The following POLR3A variants were observed in gnomAD, a reference collection of about 807,000 sequenced individuals.
The protein encoded by POLR3A is DNA-directed RNA polymerase III subunit RPC1.
In POLR3A, 112 loss-of-function variants were observed where a neutral mutation model predicts 152.8. The observed-to-expected ratio is 0.73, with a 90% CI of 0.63 to 0.86. The LOEUF is 0.86. Among genes scored for constraint, POLR3A ranks in the 40% least tolerant of loss-of-function variants. POLR3A has a pLI of 0.00. For synonymous variants in POLR3A, 615 were observed against 652.1 expected (o/e 0.94, Z 0.87); for missense variants, 1,385 against 1,743.1 (o/e 0.79, Z 3.66).
At chr10:77,985,126 C>T in intron 24 of POLR3A, 44 bp downstream of exon 24, 3 of 1,507,088 alleles carry the variant, frequency 2.0e-6, no homozygotes, top group East Asian at 2.3e-5. Flanking sequence ...TCTCAGGAAA[C>T]AGGACAGGCA....
At chr10:78,007,197 A>G (rs1230671503) in intron 15 of POLR3A, among the ~76,000 whole-genome samples, 3 of 152,370 alleles carry the variant, frequency 2.0e-5, no homozygotes, top group Non-Finnish European at 2.9e-5. Flanking sequence ...AATAATTTTC[A>G]ATCTAAAATT....
chr10:78,023,761 G>C (rs2131959957), intron 5 of POLR3A, among the ~76,000 whole-genome samples: 1 of 152,056 alleles, frequency 6.6e-6, no homozygotes, highest in South Asian at 2.1e-4. Flanking sequence ...CTGGGAGACA[G>C]AGAGAGACCC....
chr10:78,000,668 A>T (rs568400792), intron 18 of POLR3A, among the ~76,000 whole-genome samples: 4 of 152,328 alleles, frequency 2.6e-5, no homozygotes, highest in Admixed American at 1.3e-4. Context: ...TATAATTGTA[A>T]TAATTACATA....
At chr10:77,981,609 G>A (rs751395295) in intron 28 of POLR3A, 50 bp from the exon 29 acceptor site, 1 of 1,604,046 alleles carries the variant, frequency 6.2e-7, no homozygotes, top group Non-Finnish European at 8.5e-7. Context: ...GGAGGCCACT[G>A]CAAATTCTCT....
rs11815564 is a variant in POLR3A, at chr10:78,012,632, C to A, written c.1572+1018G>T. ...CTCAGTAGTTGGGGATCATGAAGTT[C>A]AGGAGGAGAGAATCCTACACAGCCG... On this transcript the variant is annotated intron_variant, in intron 11 of 30. Coordinates refer to ENST00000372371, the MANE Select transcript of POLR3A (RefSeq NM_007055.4). Among the ~76,000 whole-genome samples the A allele has an allele frequency of 6.8e-4, 104 of 152,030 alleles. 1 individual carries two copies. The highest frequency in any genetic ancestry group is 2.2e-3 in the African/African-American group (93 of 41,492).
intron 25 of POLR3A, 89 bp downstream of exon 25, chr10:77,984,116 G>C (rs1847174441): frequency 2.4e-6 from 3 of 1,228,126 alleles, no homozygotes; most frequent in Non-Finnish European, 3.6e-6. Flanking sequence ...GGACGCCACA[G>C]GCTGGTCAAT....
intron 16 of POLR3A, among the ~76,000 whole-genome samples, chr10:78,003,319 G>GA (rs1421611878): frequency 9.2e-5 from 14 of 152,306 alleles, no homozygotes; most frequent in Admixed American, 3.3e-4. Context: ...CCCTGCTTTA[G>GA]AAAATGTATT....
intron 30 of POLR3A, among the ~76,000 whole-genome samples, chr10:77,979,375 C>G (rs1269928577): frequency 1.3e-5 from 2 of 152,198 alleles, no homozygotes; most frequent in Non-Finnish European, 2.9e-5. Flanking sequence ...CTCTCGAACC[C>G]CAGCCCCTTA....
intron 19 of POLR3A, 22 bp from the exon 20 acceptor site, chr10:77,993,389 G>A: frequency 1.2e-6 from 2 of 1,604,568 alleles, no homozygotes; most frequent in Non-Finnish European, 1.7e-6. Context: ...GGAGGAAAAA[G>A]CTCAGCTGCT....
rs1451094051 is a variant in POLR3A at position 77,975,354 on chromosome 10, A to G, written c.*2124T>C. ...ATGGGACACAGTGGGGAGCACAAAC[A>G]GTAGGGTTTACCAGGCAATGCTGTT... On this transcript the variant is annotated 3_prime_UTR_variant, in exon 31 of 31. Transcript: ENST00000372371. 2.6e-5 allele frequency: 4 copies of G among 152,236 alleles called. No individual in the cohort carries two copies. The highest frequency in any genetic ancestry group is 7.2e-5 in the African/African-American group (3 of 41,448). 9.4% of individuals were successfully genotyped at this position (152,236 alleles called of 1,614,324 possible).
intron 30 of POLR3A, among the ~76,000 whole-genome samples, chr10:77,978,730 G>A (rs908490802): frequency 1.3e-5 from 2 of 149,048 alleles, no homozygotes; most frequent in African/African-American, 5.0e-5. Flanking sequence ...GTGCAATCTC[G>A]GCTCACTGCA....
intron 29 of POLR3A, among the ~76,000 whole-genome samples, chr10:77,981,053 C>G (rs567130082): frequency 9.4e-4 from 143 of 152,242 alleles, no homozygotes; most frequent in Middle Eastern, 3.4e-3. Flanking sequence ...CTGGGAATGG[C>G]TACAGAAGAG....
intron 30 of POLR3A, among the ~76,000 whole-genome samples, 175 bp from the exon 31 acceptor site, chr10:77,977,801 T>C (rs760604815): frequency 2.6e-5 from 4 of 152,004 alleles, no homozygotes; most frequent in Non-Finnish European, 5.9e-5. Context: ...GGCTGTGGAG[T>C]GCAGACAGGG....
Position 77,984,258 on chromosome 10 carries a change from C to T in POLR3A, c.3283G>A (p.Ala1095Thr), listed in dbSNP as rs1468734464. Reference protein sequence around the residue: ...ITAQLDKDDDADYARLVKGRI... With the variant: ...ITAQLDKDDDTDYARLVKGRI... ...CCTTTCACGAGGCGAGCATAATCCG[C>T]GTCGTCATCCTTGTCTAGCTGTGCT... Residue 1095 changes from alanine (A) to threonine (T), a missense_variant, in exon 25 of 31, where the codon GCG (alanine) becomes ACG (threonine). Physicochemically the swap from Ala to Thr is moderately conservative, Grantham distance 58. Coordinates refer to ENST00000372371, the MANE Select transcript of POLR3A (RefSeq NM_007055.4). The T allele has an allele frequency of 7.4e-6, 12 of 1,613,288 alleles. No homozygotes were observed. In the African/African-American group the frequency reaches 1.1e-4, roughly 14 times the overall value.
At chr10:77,985,533 C>CCT (rs1847188258) in intron 23 of POLR3A, among the ~76,000 whole-genome samples, 193 bp from the exon 24 acceptor site, 1 of 152,202 alleles carries the variant, frequency 6.6e-6, no homozygotes, top group Non-Finnish European at 1.5e-5. Context: ...AAGTAAAGGT[C>CCT]AGAGAGGGGG....
At chr10:78,022,683 T>C (rs1386665131) in intron 5 of POLR3A, among the ~76,000 whole-genome samples, 1 of 152,194 alleles carries the variant, frequency 6.6e-6, no homozygotes, top group Non-Finnish European at 1.5e-5. Context: ...TTTTTATCCG[T>C]GTGACAGAAT....
In POLR3A at chr10:77,999,557, G is replaced by T. The variant is rs566827808; in HGVS notation, c.2616+424C>A. Among the ~76,000 whole-genome samples the T allele has an allele frequency of 2.6e-5, 4 of 152,192 alleles. No individual in the cohort carries two copies. The South Asian group carries it at 8.3e-4, about 32-fold the overall frequency. On this transcript the variant is annotated intron_variant, in intron 19 of 30. Coordinates refer to ENST00000372371, the MANE Select transcript of POLR3A (RefSeq NM_007055.4). ...CTTTCCTTCTAAGCATCCAAGCCCC[G>T]CAGCAAGCACTGGAATAGGTCATTA...
chr10:78,019,870 TAAAA>T, intron 8 of POLR3A: 1 of 137,188 alleles, frequency 7.3e-6, no homozygotes, highest in Non-Finnish European at 1.6e-5. Flanking sequence ...GACCTCAATT[TAAAA>T]AAAAAAAAAA....
chr10:78,000,124 G>A lies in POLR3A; in HGVS notation c.2479-6C>T. On this transcript the variant is annotated splice_polypyrimidine_tract_variant and splice_region_variant and intron_variant, in intron 18 of 30. Coordinates refer to ENST00000372371, the MANE Select transcript of POLR3A (RefSeq NM_007055.4). ...AAGCCTTTGGCAGCTGGGAGCTAAA[G>A]AGAGGTAGAAAAAAGAAAAATCAAA... 6.2e-7 allele frequency: 1 copy of A among 1,614,084 alleles called. No individual in the cohort carries two copies. Among genetic ancestry groups the A allele is most frequent in the Non-Finnish European group, 8.5e-7 (1 of 1,179,958 alleles).
Sources: gnomAD v4.1 joint callset for allele counts (sites outside exome capture counted in the v4.1 genomes callset) on GRCh38, gnomAD v4.1.1 for gene constraint, MANE v1.5 for transcripts, NCBI Gene and HGNC (gene_info 2026-07-23, HGNC 2026-07-21) for gene names.